CECR2: variants seen among roughly 807,000 people sequenced by gnomAD.
The protein encoded by CECR2 is CECR2 histone acetyl-lysine reader.
Under a neutral mutation model 154.5 loss-of-function variants are expected in CECR2, and 30 were observed. The ratio of observed to expected loss-of-function variants is 0.19; its 90% CI spans 0.15 to 0.26. The LOEUF is 0.26. CECR2 is among the 10% of genes least tolerant of loss of function. The pLI, the probability that CECR2 is intolerant of heterozygous loss-of-function variation, is 1.00. For synonymous variants in CECR2, 725 were observed against 683.7 expected, an observed-to-expected ratio of 1.06 and a Z score of -0.94; for missense variants, 1,743 against 1,829.3, an observed-to-expected ratio of 0.95 and a Z score of 0.86.
intron 9 of CECR2, among the ~76,000 whole-genome samples, chr22:17,531,599 A>G (rs1470298487): frequency 6.6e-6 from 1 of 152,214 alleles, no homozygotes; most frequent in Non-Finnish European, 1.5e-5. Context: ...GTATGTGTTC[A>G]CTGTAAGTTC....
chr22:17,494,140 G>A (rs1196839250), intron 2 of CECR2, among the ~76,000 whole-genome samples: 1 of 152,170 alleles, frequency 6.6e-6, no homozygotes, highest in Non-Finnish European at 1.5e-5. Context: ...TTCTTGCCCA[G>A]GCTGGAGCGC....
At chr22:17,384,799 G>A (rs1248852536) in intron 1 of CECR2, among the ~76,000 whole-genome samples, 1 of 152,144 alleles carries the variant, frequency 6.6e-6, no homozygotes. Flanking sequence ...TTGAAGTGGG[G>A]CATTGACTTC....
At chr22:17,406,358 T>TA (rs890010752) in intron 1 of CECR2, among the ~76,000 whole-genome samples, 8 of 151,878 alleles carry the variant, frequency 5.3e-5, no homozygotes, top group Non-Finnish European at 1.2e-4. Flanking sequence ...CCGTCTCTAC[T>TA]AAAAAAATGC....
Position 17,549,575 on chromosome 22 carries a change from A to G in CECR2, c.4277+11A>G, listed in dbSNP as rs2146146029. The G allele has an allele frequency of 1.9e-6, 3 of 1,549,078 alleles. No individual in the cohort carries two copies. In the East Asian group the frequency reaches 7.0e-5, roughly 36 times the overall value. ...GTACAGACCATCAGGGTAAGATTGCATTCAGGCTTTTCCCCCTAAAGAGAG... is the reference window on the plus strand; with the variant it reads ...GTACAGACCATCAGGGTAAGATTGCGTTCAGGCTTTTCCCCCTAAAGAGAG... On this transcript the variant is annotated intron_variant, in intron 17 of 18. Coordinates refer to ENST00000262608, the MANE Select transcript of CECR2 (RefSeq NM_001290047.2).
chr22:17,551,323 T>C (rs751658276), intron 17 of CECR2, among the ~76,000 whole-genome samples: 2 of 150,184 alleles, frequency 1.3e-5, no homozygotes, highest in Non-Finnish European at 3.0e-5. Flanking sequence ...TTTCTTTGTG[T>C]TCTATTTTTA....
chr22:17,433,353 C>T (rs1423684506), intron 1 of CECR2, among the ~76,000 whole-genome samples: 1 of 152,214 alleles, frequency 6.6e-6, no homozygotes, highest in East Asian at 1.9e-4. Context: ...GTCAGTAACA[C>T]ATGTCAACTC....
At chr22:17,399,436 G>A (rs1220666225) in intron 1 of CECR2, among the ~76,000 whole-genome samples, 1 of 100,248 alleles carries the variant, frequency 1.0e-5, no homozygotes, top group Non-Finnish European at 2.0e-5. Flanking sequence ...TTTTTTTTTT[G>A]GAGATGGAGT....
chr22:17,464,092 T>C (rs1282258740), intron 1 of CECR2, among the ~76,000 whole-genome samples: 1 of 152,222 alleles, frequency 6.6e-6, no homozygotes, highest in Admixed American at 6.5e-5. Context: ...ATGGTGGGAA[T>C]GAAAATTTGT....
rs146756391 is a variant in CECR2 at position 17,381,181 on chromosome 22, T to C, written c.126+11272T>C. On this transcript the variant is annotated intron_variant, in intron 1 of 18. Coordinates refer to ENST00000262608, the MANE Select transcript of CECR2 (RefSeq NM_001290047.2). ...AATTTAATTTTGGATTATTTTCCAC[T>C]CTTACACTGGCATTGATTTGGGTTA... 4.6e-3 allele frequency among the ~76,000 whole-genome samples: 694 copies of C among 152,314 alleles called. 11 individuals carry two copies. Among genetic ancestry groups the C allele is most frequent in the Admixed American group, 0.026 (391 of 15,294 alleles).
At chr22:17,528,880 A>G (rs190789927) in intron 9 of CECR2, among the ~76,000 whole-genome samples, 14 of 152,260 alleles carry the variant, frequency 9.2e-5, no homozygotes, top group Admixed American at 7.9e-4. Context: ...AGAGTAGACA[A>G]ATATTGTGGG....
intron 1 of CECR2, among the ~76,000 whole-genome samples, chr22:17,453,373 C>T (rs1371792083): frequency 1.1e-4 from 16 of 152,158 alleles, no homozygotes; most frequent in Admixed American, 4.6e-4. Flanking sequence ...ACCCAGGAGG[C>T]GGAGGTTGTG....
intron 2 of CECR2, among the ~76,000 whole-genome samples, chr22:17,478,301 G>A (rs1332470068): frequency 6.6e-6 from 1 of 152,066 alleles, no homozygotes; most frequent in Non-Finnish European, 1.5e-5. Flanking sequence ...GCCATGTAGG[G>A]GGTTTGAGTT....
chr22:17,422,705 G>T (rs2054274793), intron 1 of CECR2, among the ~76,000 whole-genome samples: 3 of 149,246 alleles, frequency 2.0e-5, no homozygotes, highest in African/African-American at 2.5e-5. Context: ...TGTTTTTTTG[G>T]TCTTTTTTTT....
At chr22:17,438,435 G>A (rs888651540) in intron 1 of CECR2, among the ~76,000 whole-genome samples, 5 of 152,124 alleles carry the variant, frequency 3.3e-5, no homozygotes, top group African/African-American at 9.7e-5. Context: ...CCTTAGTACC[G>A]TGATTTGGTT....
At chr22:17,384,088 C>T (rs1011092197) in intron 1 of CECR2, among the ~76,000 whole-genome samples, 3 of 152,160 alleles carry the variant, frequency 2.0e-5, no homozygotes, top group African/African-American at 7.2e-5. Context: ...CAGCTTCTTC[C>T]AAACTCCTGT....
At chr22:17,391,892 C>T (rs1255583995) in intron 1 of CECR2, among the ~76,000 whole-genome samples, 1 of 152,194 alleles carries the variant, frequency 6.6e-6, no homozygotes, top group Non-Finnish European at 1.5e-5. Flanking sequence ...ACTTCCGTCT[C>T]CCAGGTTCAA....
intron 1 of CECR2, chr22:17,360,148 G>A (rs1381614771): frequency 6.6e-6 from 1 of 152,242 alleles, no homozygotes; most frequent in Non-Finnish European, 1.5e-5. Context: ...GAGAAACTAA[G>A]TGGAAATAGA....
At position 17,497,478 on chromosome 22, in the gene CECR2, T is replaced by A. The variant is rs775349031; in HGVS notation, c.297T>A (p.Pro99=). The change falls in exon 3 of 19, where the codon CCT becomes CCA. Residue 99 remains proline (P), a synonymous_variant. Transcript: ENST00000262608. ...AGCTCGAAGAAGGGAAGCCCAACCCTCTGAGGGAAGCCAGTTTCCAGGACC... is the reference window on the plus strand; with the variant it reads ...AGCTCGAAGAAGGGAAGCCCAACCCACTGAGGGAAGCCAGTTTCCAGGACC... ...RWELEEGKPN[P]LREASFQDLP... The A allele has an allele frequency of 6.2e-7, 1 of 1,613,880 alleles. No individual in the cohort carries two copies. The highest frequency in any genetic ancestry group is 8.5e-7 in the Non-Finnish European group (1 of 1,179,866).
chr22:17,491,584 G>GGC (rs1430363992), intron 2 of CECR2, among the ~76,000 whole-genome samples: 3 of 126,314 alleles, frequency 2.4e-5, no homozygotes, highest in Non-Finnish European at 5.0e-5. Context: ...TGTGTGTGTG[G>GGC]GGGGGTGGGT....
Sources: gnomAD v4.1 joint callset for allele counts (sites outside exome capture counted in the v4.1 genomes callset) on GRCh38, gnomAD v4.1.1 for gene constraint, MANE v1.5 for transcripts, NCBI Gene and HGNC (gene_info 2026-07-23, HGNC 2026-07-21) for gene names.